FMN1: variants seen among roughly 807,000 people sequenced by gnomAD.
FMN1 encodes the protein formin 1.
A neutral mutation model predicts 132.4 loss-of-function variants in FMN1; 110 were observed. The observed-to-expected ratio is 0.83, with a 90% CI of 0.71 to 0.97. The LOEUF (loss-of-function observed/expected upper bound fraction) is 0.97. FMN1 is among the 50% of genes least tolerant of loss of function. FMN1 has a pLI of 0.00. For synonymous variants in FMN1, 722 were observed against 651.7 expected (o/e 1.11, Z -1.64); for missense variants, 1,792 against 1,705.3 (o/e 1.05, Z -0.90).
chr15:33,142,853 TG>T (rs767644501), intron 4 of FMN1, among the ~76,000 whole-genome samples: 1 of 152,160 alleles, frequency 6.6e-6, no homozygotes, highest in Non-Finnish European at 1.5e-5. Context: ...AGTTCACCAA[TG>T]TGTTGGGCTA....
intron 10 of FMN1, among the ~76,000 whole-genome samples, chr15:32,915,226 G>A (rs1235625697): frequency 1.3e-5 from 2 of 152,166 alleles, no homozygotes; most frequent in African/African-American, 2.4e-5. Context: ...ATAATCCCAT[G>A]TCTTAGTCAC....
chr15:32,806,372 C>G (rs2057681271), intron 17 of FMN1, among the ~76,000 whole-genome samples: 1 of 152,138 alleles, frequency 6.6e-6, no homozygotes, highest in African/African-American at 2.4e-5. Flanking sequence ...GCCATAGTGA[C>G]CATTATCATA....
chr15:32,959,043 CAAAAA>C (rs36081835), intron 9 of FMN1, among the ~76,000 whole-genome samples: 3 of 84,320 alleles, frequency 3.6e-5, no homozygotes, highest in African/African-American at 1.1e-4. Context: ...AACACTGTCT[CAAAAA>C]AAAAAAAAAA....
chr15:32,861,120 A>G (rs1164290343), intron 16 of FMN1, among the ~76,000 whole-genome samples: 1 of 152,218 alleles, frequency 6.6e-6, no homozygotes, highest in Non-Finnish European at 1.5e-5. Context: ...ACCCTCTACT[A>G]TATTCAAATT....
At chr15:32,840,426 A>G (rs867571047) in intron 17 of FMN1, among the ~76,000 whole-genome samples, 1 of 152,288 alleles carries the variant, frequency 6.6e-6, no homozygotes, top group South Asian at 2.1e-4. Flanking sequence ...GATTGTAATC[A>G]CCCGGTATCA....
At position 32,993,263 on chromosome 15, in the gene FMN1, T is replaced by C. The variant is rs530265932; in HGVS notation, c.2223+14751A>G. On this transcript the variant is annotated intron_variant, in intron 7 of 20. Transcript: ENST00000616417. ...CTTTATAAGTCAAATAGGTCAAATA[T>C]CAGCAATTTAATGCAGTTCAACTTA... is the stretch of plus-strand genomic sequence containing the variant. 3.3e-5 allele frequency among the ~76,000 whole-genome samples: 5 copies of C among 152,328 alleles called. No individual in the cohort carries two copies. The East Asian group carries it at 9.6e-4, about 29-fold the overall frequency.
chr15:33,116,624 CT>C (rs1324705958), intron 4 of FMN1, among the ~76,000 whole-genome samples: 1 of 151,902 alleles, frequency 6.6e-6, no homozygotes, highest in Non-Finnish European at 1.5e-5. Flanking sequence ...ATTATTTCTG[CT>C]CATTATTTGG....
At chr15:32,941,021 A>G (rs1433648027) in intron 9 of FMN1, among the ~76,000 whole-genome samples, 5 of 131,028 alleles carry the variant, frequency 3.8e-5, no homozygotes, top group African/African-American at 2.0e-4. Context: ...GTTCCCCAAA[A>G]GCCCCGGCCC....
intron 5 of FMN1, among the ~76,000 whole-genome samples, chr15:33,075,869 G>A (rs951282832): frequency 6.6e-6 from 1 of 152,096 alleles, no homozygotes; most frequent in Non-Finnish European, 1.5e-5. Context: ...TTGGTTTGGG[G>A]TCAATTCATT....
chr15:32,799,391 A>G (rs1019827294), intron 18 of FMN1, among the ~76,000 whole-genome samples: 1 of 152,190 alleles, frequency 6.6e-6, no homozygotes, highest in African/African-American at 2.4e-5. Context: ...TTTCACAAAA[A>G]AGCAAGAAAA....
intron 4 of FMN1, among the ~76,000 whole-genome samples, chr15:33,126,725 G>C (rs962257745): frequency 1.3e-5 from 2 of 151,976 alleles, no homozygotes; most frequent in Non-Finnish European, 1.5e-5. Flanking sequence ...CTACGCTACA[G>C]GCAGGCTGGA....
intron 19 of FMN1, among the ~76,000 whole-genome samples, chr15:32,785,212 A>ATT: frequency 3.8e-5 from 1 of 25,980 alleles, no homozygotes; most frequent in African/African-American, 1.3e-4. Flanking sequence ...ATATATATAT[A>ATT]TATATATTTT....
intron 6 of FMN1, among the ~76,000 whole-genome samples, chr15:33,011,555 T>C (rs2034723673): frequency 6.6e-6 from 1 of 151,998 alleles, no homozygotes; most frequent in Admixed American, 6.6e-5. Context: ...GCAATATATA[T>C]AGAGGAAAAA....
intron 9 of FMN1, among the ~76,000 whole-genome samples, chr15:32,941,045 T>C (rs1159427772): frequency 6.6e-6 from 1 of 152,128 alleles, no homozygotes; most frequent in Non-Finnish European, 1.5e-5. Flanking sequence ...GGTTAGTGCC[T>C]TATCCCCACG....
intron 17 of FMN1, among the ~76,000 whole-genome samples, chr15:32,832,725 C>A (rs1420363829): frequency 5.9e-5 from 9 of 152,030 alleles, no homozygotes; most frequent in African/African-American, 2.2e-4. Flanking sequence ...TTGCAGTGAG[C>A]TGAGATCGCG....
intron 5 of FMN1, among the ~76,000 whole-genome samples, chr15:33,078,004 A>T (rs984684922): frequency 6.6e-6 from 1 of 152,106 alleles, no homozygotes; most frequent in African/African-American, 2.4e-5. Flanking sequence ...GCTGGAGAGG[A>T]TGTGGAGAAA....
At chr15:33,089,023 A>C (rs2038808628) in intron 4 of FMN1, 49 bp from the exon 5 acceptor site, 1 of 1,462,496 alleles carries the variant, frequency 6.8e-7, no homozygotes, top group African/African-American at 1.4e-5. Flanking sequence ...CCAAATAAAT[A>C]AATAAATAAA....
At chr15:33,007,702 A>G (rs2034491458) in intron 7 of FMN1, among the ~76,000 whole-genome samples, 1 of 152,204 alleles carries the variant, frequency 6.6e-6, no homozygotes, top group South Asian at 2.1e-4. Context: ...TACCTAGAAA[A>G]AAAAACTTCT....
At chr15:32,985,764 C>G (rs754534614) in intron 7 of FMN1, among the ~76,000 whole-genome samples, 1 of 152,030 alleles carries the variant, frequency 6.6e-6, no homozygotes, top group Non-Finnish European at 1.5e-5. Context: ...GTTTAGTGCC[C>G]CTCCCAACTG....
Sources: allele counts gnomAD v4.1 joint callset (sites outside exome capture counted in the v4.1 genomes callset), GRCh38; gene constraint gnomAD v4.1.1; transcripts MANE v1.5; gene names NCBI Gene and HGNC (gene_info 2026-07-23, HGNC 2026-07-21).